OPCML: variants seen among roughly 807,000 people sequenced by gnomAD.
OPCML encodes opioid-binding protein/cell adhesion molecule.
OPCML carries 13 observed loss-of-function variants against 37.8 expected under a neutral mutation model. The observed-to-expected ratio is 0.34, with a 90% CI of 0.22 to 0.55. OPCML has a LOEUF of 0.55. Ranked by LOEUF, OPCML falls within the 20% of genes least tolerant of loss-of-function variation. OPCML has a pLI of 0.91. For missense variants in OPCML, 341 were observed against 435.6 expected (o/e 0.78, Z 1.93); for synonymous variants, 176 against 168.8 (o/e 1.04, Z -0.33).
chr11:133,208,321 C>A lies in OPCML; in HGVS notation c.62-265311G>T, dbSNP rs1450814464. 1.3e-5 allele frequency among the ~76,000 whole-genome samples: 2 copies of A among 152,152 alleles called. No individual in the cohort carries two copies. Among genetic ancestry groups the A allele is most frequent in the Non-Finnish European group, 2.9e-5 (2 of 68,026 alleles). Reference sequence around the variant, plus strand: ...GAATGCGGGACAGAAGCCTACACTACCGTGTGTTCTACTACATTCAGTATC... The same window carrying A: ...GAATGCGGGACAGAAGCCTACACTAACGTGTGTTCTACTACATTCAGTATC... On this transcript the variant is annotated intron_variant, in intron 1 of 7. Transcript: ENST00000524381. This position sits in a 1 kb window ranked among gnomAD's most constrained non-coding sequence, Gnocchi z 8.9.
At chr11:133,340,612 G>A (rs1190518464) in intron 1 of OPCML, among the ~76,000 whole-genome samples, 3 of 60,180 alleles carry the variant, frequency 5.0e-5, no homozygotes, top group African/African-American at 2.8e-4. Context: ...CTCTCTCTGT[G>A]TGTGTGTGTG....
intron 1 of OPCML, among the ~76,000 whole-genome samples, chr11:133,202,269 G>A (rs1938831981): frequency 6.6e-6 from 1 of 152,180 alleles, no homozygotes; most frequent in African/African-American, 2.4e-5. Context: ...GAGATGGCCA[G>A]TCCTACCTGT....
At chr11:132,815,532 GATT>G (rs1939582201) in intron 2 of OPCML, among the ~76,000 whole-genome samples, 1 of 152,178 alleles carries the variant, frequency 6.6e-6, no homozygotes, top group African/African-American at 2.4e-5. Context: ...GTCTACCTTA[GATT>G]ATTTTCCCCC....
At chr11:133,388,363 C>G (rs1013823447) in intron 1 of OPCML, among the ~76,000 whole-genome samples, 1 of 152,070 alleles carries the variant, frequency 6.6e-6, no homozygotes, top group Non-Finnish European at 1.5e-5. Flanking sequence ...TGAATGGACC[C>G]TTGAGGAATG....
intron 2 of OPCML, among the ~76,000 whole-genome samples, chr11:132,933,345 C>G (rs1945271037): frequency 6.6e-6 from 1 of 152,298 alleles, no homozygotes; most frequent in South Asian, 2.1e-4. Context: ...ACATTCCTCC[C>G]TTGCAAATCG....
chr11:133,133,921 A>G (rs1287493683), intron 1 of OPCML, among the ~76,000 whole-genome samples: 1 of 152,188 alleles, frequency 6.6e-6, no homozygotes, highest in Admixed American at 6.5e-5. Context: ...CAAGTTGTTA[A>G]TGATTCAACA....
At chr11:133,066,704 A>G in intron 1 of OPCML, 1 of 151,810 alleles carries the variant, frequency 6.6e-6, no homozygotes, top group Non-Finnish European at 1.5e-5. Flanking sequence ...TGAGATGGAG[A>G]CTCACTCTGT....
intron 3 of OPCML, among the ~76,000 whole-genome samples, chr11:132,630,335 C>T (rs867746773): frequency 9.2e-5 from 14 of 152,042 alleles, no homozygotes; most frequent in African/African-American, 1.9e-4. Context: ...TGAGGTGGGG[C>T]GGTCACGAGG....
intron 2 of OPCML, among the ~76,000 whole-genome samples, chr11:132,807,045 T>G (rs978405754): frequency 1.3e-5 from 2 of 152,184 alleles, no homozygotes; most frequent in Non-Finnish European, 2.9e-5. Context: ...GAGAAATGTA[T>G]AGTTTTGAAA....
intron 1 of OPCML, among the ~76,000 whole-genome samples, chr11:133,029,142 T>G (rs778153610): frequency 6.6e-6 from 1 of 152,132 alleles, no homozygotes; most frequent in Non-Finnish European, 1.5e-5. Context: ...ATTAGAGAAA[T>G]GCAAATCAGA....
At chr11:132,588,212 T>C (rs1330379269) in intron 3 of OPCML, among the ~76,000 whole-genome samples, 2 of 152,076 alleles carry the variant, frequency 1.3e-5, no homozygotes, top group African/African-American at 4.8e-5. Flanking sequence ...ATCTGGTGGT[T>C]CCCTGGGGCA....
At chr11:132,906,910 T>C (rs973350428) in intron 2 of OPCML, among the ~76,000 whole-genome samples, 21 of 152,146 alleles carry the variant, frequency 1.4e-4, no homozygotes, top group African/African-American at 5.1e-4. Context: ...TGAAGCAAAA[T>C]GCAGAATGCA....
At chr11:132,731,511 C>CTA (rs1945074927) in intron 2 of OPCML, among the ~76,000 whole-genome samples, 2 of 152,130 alleles carry the variant, frequency 1.3e-5, no homozygotes, top group Non-Finnish European at 2.9e-5. Flanking sequence ...TGAGTTATGT[C>CTA]TATATATGTT....
chr11:133,030,129 T>A (rs545933996), intron 1 of OPCML, among the ~76,000 whole-genome samples: 18 of 152,276 alleles, frequency 1.2e-4, no homozygotes, highest in African/African-American at 4.3e-4. Flanking sequence ...CAGAAACTGT[T>A]CCCTAGTGGG....
At chr11:132,530,556 C>T (rs2096321923) in intron 3 of OPCML, among the ~76,000 whole-genome samples, 1 of 152,148 alleles carries the variant, frequency 6.6e-6, no homozygotes, top group Admixed American at 6.5e-5. Flanking sequence ...CCAGAATGGC[C>T]TACCATGTTT....
At chr11:133,081,475 G>C (rs369855791) in intron 1 of OPCML, among the ~76,000 whole-genome samples, 1 of 152,196 alleles carries the variant, frequency 6.6e-6, no homozygotes, top group African/African-American at 2.4e-5. Flanking sequence ...ATTCGCAAGT[G>C]GCTGAGCGAA....
intron 1 of OPCML, chr11:133,362,186 TG>T (rs1224162118): frequency 6.6e-6 from 1 of 152,230 alleles, no homozygotes; most frequent in East Asian, 1.9e-4. Context: ...TGGTGTGACT[TG>T]GGATTCTAAA....
chr11:132,513,177 G>C (rs1286235027), intron 4 of OPCML, among the ~76,000 whole-genome samples: 1 of 152,016 alleles, frequency 6.6e-6, no homozygotes, highest in Non-Finnish European at 1.5e-5. Flanking sequence ...AGCCTATTTG[G>C]TTTATGTTAG....
chr11:133,456,882 T>C (rs993322518), intron 1 of OPCML, among the ~76,000 whole-genome samples: 8 of 151,832 alleles, frequency 5.3e-5, no homozygotes, highest in Non-Finnish European at 8.8e-5. Context: ...TCTTGCTGCA[T>C]CAAGTGGACA....
Sources: gnomAD v4.1 joint callset for allele counts (sites outside exome capture counted in the v4.1 genomes callset) on GRCh38, gnomAD v4.1.1 for gene constraint, Gnocchi (gnomAD v3.1) non-coding constraint, MANE v1.5 for transcripts, NCBI Gene and HGNC (gene_info 2026-07-23, HGNC 2026-07-21) for gene names.